Variants in PTPRD observed in about 807,000 individuals in gnomAD.
The protein encoded by PTPRD is protein tyrosine phosphatase receptor type D.
In PTPRD, 34 loss-of-function variants were observed where a neutral mutation model predicts 214.5. The ratio of observed to expected loss-of-function variants is 0.16; its 90% CI spans 0.12 to 0.21. PTPRD has a LOEUF of 0.21. Ranked by LOEUF, PTPRD falls within the 10% of genes least tolerant of loss-of-function variation. The pLI is 1.00. For synonymous variants in PTPRD, 1,128 were observed against 845.7 expected (o/e 1.33, Z -5.79); for missense variants, 2,545 against 2,398.7 (o/e 1.06, Z -1.27).
intron 10 of PTPRD, among the ~76,000 whole-genome samples, chr9:9,130,203 G>A (rs1228674311): frequency 1.3e-5 from 2 of 152,114 alleles, no homozygotes; most frequent in Non-Finnish European, 2.9e-5. Context: ...TTTGACAGGA[G>A]TAAGTCCAGA....
At chr9:10,498,130 G>C (rs2042637199) in intron 2 of PTPRD, among the ~76,000 whole-genome samples, 1 of 151,882 alleles carries the variant, frequency 6.6e-6, no homozygotes, top group Admixed American at 6.6e-5. Flanking sequence ...CCATGGATTT[G>C]GTTGAACTCC....
At chr9:8,730,231 A>G (rs894009242) in intron 12 of PTPRD, among the ~76,000 whole-genome samples, 10 of 152,162 alleles carry the variant, frequency 6.6e-5, no homozygotes, top group African/African-American at 1.9e-4. Context: ...ACTCCAGCCT[A>G]GGCGACTGAG....
At chr9:9,823,753 G>A (rs1320514161) in intron 5 of PTPRD, among the ~76,000 whole-genome samples, 1 of 151,940 alleles carries the variant, frequency 6.6e-6, no homozygotes, top group Admixed American at 6.6e-5. Flanking sequence ...AAAGAGGGAT[G>A]GGTCCAAAAA....
At chr9:9,528,938 CTTT>C (rs112564567) in intron 8 of PTPRD, among the ~76,000 whole-genome samples, 185 of 136,694 alleles carry the variant, frequency 1.4e-3, no homozygotes, top group African/African-American at 4.8e-3. Flanking sequence ...TTGTTTGTTT[CTTT>C]TTTTTTTTTT....
intron 9 of PTPRD, among the ~76,000 whole-genome samples, chr9:9,199,643 G>A (rs1229116774): frequency 6.6e-6 from 1 of 151,984 alleles, no homozygotes; most frequent in African/African-American, 2.4e-5. Flanking sequence ...ATATAAATAG[G>A]TTAAATAGAA....
intron 2 of PTPRD, among the ~76,000 whole-genome samples, chr9:10,557,687 CT>C (rs1398969714): frequency 3.3e-5 from 5 of 152,018 alleles, no homozygotes; most frequent in African/African-American, 9.7e-5. Flanking sequence ...ATGTTTACCC[CT>C]GGACCAGTCT....
intron 11 of PTPRD, among the ~76,000 whole-genome samples, chr9:8,852,001 T>C (rs1485386173): frequency 1.3e-5 from 2 of 152,078 alleles, no homozygotes; most frequent in Non-Finnish European, 1.5e-5. Context: ...CAACCATTTA[T>C]GAAATCATTA....
At chr9:10,345,450 G>A (rs961366375) in intron 2 of PTPRD, among the ~76,000 whole-genome samples, 14 of 150,348 alleles carry the variant, frequency 9.3e-5, no homozygotes, top group African/African-American at 2.9e-4. Context: ...AGTGTGTGAG[G>A]TTCCTCTCCA....
At chr9:9,267,701 C>G (rs560262205) in intron 9 of PTPRD, among the ~76,000 whole-genome samples, 2 of 151,008 alleles carry the variant, frequency 1.3e-5, no homozygotes, top group Non-Finnish European at 1.5e-5. Flanking sequence ...ATATTTATCC[C>G]TGGAATGCAA....
rs76644887 is a variant in PTPRD, at chr9:8,430,611, T to C, written c.4086+5981A>G. Among the ~76,000 whole-genome samples, 44 of 152,216 alleles carry C rather than the reference T, an allele frequency of 2.9e-4. No homozygotes were observed. The East Asian group carries it at 8.5e-3, about 29-fold the overall frequency. On this transcript the variant is annotated intron_variant, in intron 35 of 45. Transcript: ENST00000381196. ...ATTTATTACACAAAGACATCATCAA[T>C]ATCTTTTAAAATGTAGATTCTGAAT...
intron 36 of PTPRD, among the ~76,000 whole-genome samples, chr9:8,398,641 A>G (rs1238106381): frequency 2.0e-5 from 3 of 152,166 alleles, no homozygotes; most frequent in Non-Finnish European, 4.4e-5. Context: ...TGGGATTAGG[A>G]TCCTTATAAA....
intron 3 of PTPRD, among the ~76,000 whole-genome samples, chr9:10,220,538 A>G (rs1388089803): frequency 6.6e-6 from 1 of 151,960 alleles, no homozygotes; most frequent in Non-Finnish European, 1.5e-5. Context: ...TGATTAATAA[A>G]TCACAAGCTG....
intron 10 of PTPRD, among the ~76,000 whole-genome samples, chr9:9,022,806 A>G (rs2099574395): frequency 6.6e-6 from 1 of 152,194 alleles, no homozygotes; most frequent in African/African-American, 2.4e-5. Context: ...TGCAAAATCT[A>G]TATTGGAATA....
At chr9:9,847,215 CA>C (rs1398257011) in intron 5 of PTPRD, among the ~76,000 whole-genome samples, 3 of 151,966 alleles carry the variant, frequency 2.0e-5, no homozygotes, top group Non-Finnish European at 4.4e-5. Context: ...AATAAACAAC[CA>C]AATCACATTT....
intron 11 of PTPRD, among the ~76,000 whole-genome samples, chr9:8,965,001 G>T (rs886313431): frequency 1.3e-5 from 2 of 152,056 alleles, no homozygotes; most frequent in Non-Finnish European, 2.9e-5. Context: ...TCCTTGTGAA[G>T]ATGAGAATAT....
intron 2 of PTPRD, among the ~76,000 whole-genome samples, chr9:10,455,952 C>G (rs987360111): frequency 1.3e-5 from 2 of 151,732 alleles, no homozygotes; most frequent in Non-Finnish European, 3.0e-5. Context: ...TTTCTAATCC[C>G]TTGTTCTTCT....
chr9:8,668,513 T>G (rs75178877), intron 12 of PTPRD, among the ~76,000 whole-genome samples: 1 of 152,186 alleles, frequency 6.6e-6, no homozygotes, highest in African/African-American at 2.4e-5. Context: ...CCATCTTACA[T>G]AGAATAAGAT....
intron 7 of PTPRD, among the ~76,000 whole-genome samples, chr9:9,629,226 A>ATGTG (rs1003113739): frequency 3.9e-4 from 53 of 134,764 alleles, no homozygotes; most frequent in African/African-American, 1.3e-3. Flanking sequence ...GGAGATATAT[A>ATGTG]TGTGTGTGTG....
intron 9 of PTPRD, among the ~76,000 whole-genome samples, chr9:9,332,932 C>T (rs1177343357): frequency 6.6e-6 from 1 of 151,960 alleles, no homozygotes; most frequent in African/African-American, 2.4e-5. Context: ...CTGTGTTATT[C>T]TCTTATGTTA....
Sources: gnomAD v4.1 joint callset for allele counts (sites outside exome capture counted in the v4.1 genomes callset) on GRCh38, gnomAD v4.1.1 for gene constraint, MANE v1.5 for transcripts, NCBI Gene and HGNC (gene_info 2026-07-23, HGNC 2026-07-21) for gene names.